The following MYO1D variants were observed in gnomAD, a reference collection of about 807,000 sequenced individuals.
MYO1D encodes the protein unconventional myosin-Id.
Under a neutral mutation model 122.0 loss-of-function variants are expected in MYO1D, and 83 were observed. That is an observed-to-expected ratio of 0.68 (90% CI 0.57 to 0.82). The LOEUF is 0.82. Ranked by LOEUF, MYO1D falls within the 40% of genes least tolerant of loss-of-function variation. The probability of loss-of-function intolerance (pLI) is 0.00; values close to 1 mark genes in which losing one functional copy is unlikely to be tolerated. For missense variants in MYO1D, 1,157 were observed against 1,269.5 expected, an observed-to-expected ratio of 0.91 and a Z score of 1.35; for synonymous variants, 464 against 446.9, an observed-to-expected ratio of 1.04 and a Z score of -0.48.
At chr17:32,583,369 T>A (rs1033363090) in intron 21 of MYO1D, among the ~76,000 whole-genome samples, 3 of 152,180 alleles carry the variant, frequency 2.0e-5, no homozygotes, top group African/African-American at 7.2e-5. Flanking sequence ...ATTTTTTTTG[T>A]GCCTAGGGTT....
At chr17:32,699,503 C>T (rs950699456) in intron 16 of MYO1D, among the ~76,000 whole-genome samples, 1 of 152,170 alleles carries the variant, frequency 6.6e-6, no homozygotes. Flanking sequence ...CCACGCCTAT[C>T]CCTAACCATC....
intron 1 of MYO1D, among the ~76,000 whole-genome samples, chr17:32,845,548 T>C (rs968294476): frequency 1.3e-5 from 2 of 151,358 alleles, no homozygotes; most frequent in African/African-American, 4.9e-5. Flanking sequence ...TTCCCCCTTA[T>C]AAGATAAACA....
intron 1 of MYO1D, among the ~76,000 whole-genome samples, chr17:32,799,415 T>C (rs1332908763): frequency 1.3e-5 from 2 of 152,138 alleles, no homozygotes; most frequent in African/African-American, 4.8e-5. Context: ...AAATCTTTAA[T>C]TGTTCTAAAA....
chr17:32,832,205 C>T (rs1197130518), intron 1 of MYO1D, among the ~76,000 whole-genome samples: 1 of 151,690 alleles, frequency 6.6e-6, no homozygotes, highest in Non-Finnish European at 1.5e-5. Flanking sequence ...TCCCTGGGCT[C>T]AGGTAACTCT....
chr17:32,616,666 C>T (rs937877277), intron 20 of MYO1D, among the ~76,000 whole-genome samples: 11 of 151,890 alleles, frequency 7.2e-5, no homozygotes, highest in African/African-American at 1.2e-4. Context: ...TTTTAATCAG[C>T]GGGTAGAAAG....
intron 7 of MYO1D, 79 bp downstream of exon 7, chr17:32,767,557 A>AG (rs2090070205): frequency 1.1e-6 from 1 of 951,720 alleles, no homozygotes; most frequent in Non-Finnish European, 1.6e-6. Flanking sequence ...TTAAATCTAC[A>AG]GGGAAAAAAC....
chr17:32,530,407 G>C (rs903648311), intron 21 of MYO1D, among the ~76,000 whole-genome samples: 2 of 152,172 alleles, frequency 1.3e-5, no homozygotes, highest in African/African-American at 4.8e-5. Context: ...GATGAGAAGA[G>C]AAAAAATTAC....
At chr17:32,620,498 C>T (rs1228397791) in intron 20 of MYO1D, among the ~76,000 whole-genome samples, 1 of 152,150 alleles carries the variant, frequency 6.6e-6, no homozygotes, top group Non-Finnish European at 1.5e-5. Context: ...GCGGGCTTCT[C>T]CAGCAGGCAG....
At chr17:32,613,574 G>T (rs553884177) in intron 20 of MYO1D, among the ~76,000 whole-genome samples, 1 of 152,104 alleles carries the variant, frequency 6.6e-6, no homozygotes, top group East Asian at 1.9e-4. Context: ...AGGAGATCAA[G>T]ATCATCCTAG....
chr17:32,829,943 T>A (rs577962441), intron 1 of MYO1D, among the ~76,000 whole-genome samples: 13 of 152,138 alleles, frequency 8.5e-5, no homozygotes, highest in Non-Finnish European at 1.9e-4. Flanking sequence ...AATTCACATA[T>A]CATCAAATTT....
At chr17:32,835,256 T>C (rs2090812014) in intron 1 of MYO1D, among the ~76,000 whole-genome samples, 1 of 151,730 alleles carries the variant, frequency 6.6e-6, no homozygotes, top group Non-Finnish European at 1.5e-5. Context: ...CATTATTCAA[T>C]ACTCAACTAA....
At chr17:32,825,002 T>A (rs545572483) in intron 1 of MYO1D, among the ~76,000 whole-genome samples, 1 of 152,320 alleles carries the variant, frequency 6.6e-6, no homozygotes, top group South Asian at 2.1e-4. Flanking sequence ...ATTGTTTGAC[T>A]GTTACTTGCA....
intron 21 of MYO1D, among the ~76,000 whole-genome samples, chr17:32,587,424 A>G (rs2087398222): frequency 6.6e-6 from 1 of 151,368 alleles, no homozygotes. Flanking sequence ...AGGCAGAAGA[A>G]TTGCTTGAAC....
chr17:32,520,278 C>A (rs909102546), intron 21 of MYO1D, among the ~76,000 whole-genome samples: 3 of 152,188 alleles, frequency 2.0e-5, no homozygotes, highest in African/African-American at 7.2e-5. Context: ...GGGTGATGGA[C>A]CCTGCCGCTG....
chr17:32,710,572 G>T (rs2089362983), intron 16 of MYO1D, among the ~76,000 whole-genome samples: 2 of 152,032 alleles, frequency 1.3e-5, no homozygotes, highest in Admixed American at 1.3e-4. Flanking sequence ...TAACTATAAG[G>T]CAAAATATTG....
intron 1 of MYO1D, among the ~76,000 whole-genome samples, chr17:32,836,422 A>G (rs2090824637): frequency 6.6e-6 from 1 of 152,182 alleles, no homozygotes; most frequent in Non-Finnish European, 1.5e-5. Context: ...AGAGATCAAT[A>G]CATAGAATAT....
intron 16 of MYO1D, among the ~76,000 whole-genome samples, chr17:32,702,207 C>T (rs539228618): frequency 6.6e-6 from 1 of 152,240 alleles, no homozygotes; most frequent in Admixed American, 6.5e-5. Flanking sequence ...ATTTCCTTTC[C>T]CACTATTATA....
At chr17:32,748,700 A>T (rs1029538009) in intron 12 of MYO1D, among the ~76,000 whole-genome samples, 1 of 152,216 alleles carries the variant, frequency 6.6e-6, no homozygotes, top group African/African-American at 2.4e-5. Context: ...AACACGAACT[A>T]TGCCAGGAAC....
intron 21 of MYO1D, among the ~76,000 whole-genome samples, chr17:32,588,637 T>C (rs935626951): frequency 6.6e-6 from 1 of 152,212 alleles, no homozygotes; most frequent in African/African-American, 2.4e-5. Context: ...GGTGAACTAA[T>C]TTTTAAAATC....
Sources: gnomAD v4.1 joint callset for allele counts (sites outside exome capture counted in the v4.1 genomes callset) on GRCh38, gnomAD v4.1.1 for gene constraint, MANE v1.5 for transcripts, NCBI Gene and HGNC (gene_info 2026-07-23, HGNC 2026-07-21) for gene names.